Variants in LIPT2 observed in about 807,000 individuals in gnomAD.
LIPT2 encodes octanoyl-[acyl-carrier-protein]:protein N-octanoyltransferase LIPT2, mitochondrial.
A neutral mutation model predicts 16.2 loss-of-function variants in LIPT2; 16 were observed. The ratio of observed to expected loss-of-function variants is 0.99; its 90% CI spans 0.67 to 1.50. LIPT2 has a LOEUF of 1.50. Among genes scored for constraint, LIPT2 ranks in the 40% most tolerant of loss-of-function variants. The probability of loss-of-function intolerance (pLI) is 0.00; values close to 1 mark genes in which losing one functional copy is unlikely to be tolerated. For synonymous variants in LIPT2, 199 were observed against 169.3 expected, an observed-to-expected ratio of 1.18 and a Z score of -1.36; for missense variants, 424 against 347.7, an observed-to-expected ratio of 1.22 and a Z score of -1.75.
intron 1 of LIPT2, 48 bp downstream of exon 1, chr11:74,493,190 A>G: frequency 7.8e-7 from 1 of 1,289,668 alleles, no homozygotes; most frequent in East Asian, 3.1e-5. Flanking sequence ...CCCAGGCCTC[A>G]AGCTCCGACC....
intron 1 of LIPT2, 28 bp from the exon 2 acceptor site, chr11:74,492,392 G>A (rs1864361916): frequency 7.0e-6 from 10 of 1,429,708 alleles, no homozygotes; most frequent in Middle Eastern, 1.8e-4. Context: ...GGGTCTTAGA[G>A]TAGATACCCT....
At position 74,493,637 on chromosome 11, in the gene LIPT2, G is replaced by T; in HGVS notation, c.67C>A (p.Gln23Lys). 6.9e-7 allele frequency: 1 copy of T among 1,458,834 alleles called. No individual in the cohort carries two copies. The highest frequency in any genetic ancestry group is 9.0e-7 in the Non-Finnish European group (1 of 1,112,234). 90.4% of individuals were successfully genotyped at this position (1,458,834 alleles called of 1,614,324 possible). The change falls in exon 1 of 2, where the codon CAG becomes AAG. Residue 23 changes from glutamine (Q) to lysine (K), a missense_variant. By Grantham distance (53) the Gln-to-Lys change is moderately conservative (BLOSUM62 1). Transcript: ENST00000310109. ...RVPYAELLGL[Q>K]DRWLRRLQAE... ...TGCAGCCGCCGCAGCCAGCGGTCCTGCAGCCCCAGTAGCTCGGCGTACGGC... is the reference window on the plus strand; with the variant it reads ...TGCAGCCGCCGCAGCCAGCGGTCCTTCAGCCCCAGTAGCTCGGCGTACGGC...
At chr11:74,492,905 A>C (rs1397277952) in intron 1 of LIPT2, among the ~76,000 whole-genome samples, 2 of 30,956 alleles carry the variant, frequency 6.5e-5, no homozygotes, top group Non-Finnish European at 2.3e-4. Flanking sequence ...CTCTGTCTCA[A>C]AAAAAAAAAA....
chr11:74,492,761 C>T (rs1486076101), intron 1 of LIPT2, among the ~76,000 whole-genome samples: 3 of 151,842 alleles, frequency 2.0e-5, no homozygotes, highest in African/African-American at 4.8e-5. Context: ...AAAAATTAGC[C>T]GGGCTGGTGG....
intron 1 of LIPT2, 120 bp downstream of exon 1, chr11:74,493,118 C>T: frequency 1.5e-6 from 1 of 651,278 alleles, no homozygotes; most frequent in Non-Finnish European, 2.3e-6. Flanking sequence ...ATTCAAAACC[C>T]GCGCTAGATA....
rs542782857 is a variant in LIPT2, at chr11:74,493,688, C to T, written c.16G>A (p.Val6Ile). ...ACCCGACCCAGGCGCACCAACCGAA[C>T]GGCGGGTTGCCGCATCGTGCCCACC... MRQPA[V>I]RLVRLGRVPY... The change falls in exon 1 of 2, where the codon GTT becomes ATT. Residue 6 changes from valine (V) to isoleucine (I), a missense_variant. Transcript: ENST00000310109. 33 of 1,387,784 alleles carry T rather than the reference C, an allele frequency of 2.4e-5. No individual in the cohort carries two copies. Among genetic ancestry groups the T allele is most frequent in the East Asian group, 2.1e-4 (7 of 32,682 alleles). 86.0% of individuals were successfully genotyped at this position (1,387,784 alleles called of 1,614,324 possible). A position where few individuals can be genotyped will look rare whatever the true frequency, so the allele number is the denominator to read the frequency against.
rs2135046127 is a variant in LIPT2, at chr11:74,493,626, C to G, written c.78G>C (p.Trp26Cys). The change falls in exon 1 of 2, where the codon TGG becomes TGC. Residue 26 changes from tryptophan to cysteine, a missense_variant. Transcript: ENST00000310109. The stretch of plus-strand genomic sequence containing the variant: ...CTGGCTCGGCCTGCAGCCGCCGCAG[C>G]CAGCGGTCCTGCAGCCCCAGTAGCT... ...YAELLGLQDRWLRRLQAEPGI... is the reference protein window; with the variant it reads ...YAELLGLQDRCLRRLQAEPGI... 1.4e-6 allele frequency: 2 copies of G among 1,457,660 alleles called. No homozygotes were observed. Among genetic ancestry groups the G allele is most frequent in the African/African-American group, 1.5e-5 (1 of 67,946 alleles). 90.3% of individuals were successfully genotyped at this position (1,457,660 alleles called of 1,614,324 possible).
intron 1 of LIPT2, 98 bp downstream of exon 1, chr11:74,493,140 G>T (rs2135043822): frequency 1.1e-6 from 1 of 873,768 alleles, no homozygotes. Flanking sequence ...GCCTCCTCCC[G>T]GCCCTCACCT....
rs527873703 is a variant in LIPT2, at chr11:74,492,708, A to G, written c.467-344T>C. On this transcript the variant is annotated intron_variant, in intron 1 of 1. Transcript: ENST00000310109. Reference sequence around the variant, plus strand: ...ATCACGAGGTCAGGAGATCGTGACCATCCTGGCTAACACGGTGAAACCCCA... The same window carrying G: ...ATCACGAGGTCAGGAGATCGTGACCGTCCTGGCTAACACGGTGAAACCCCA... Among the ~76,000 whole-genome samples, 96 of 152,114 alleles carry G rather than the reference A, an allele frequency of 6.3e-4. 1 individual carries two copies. The highest frequency in any genetic ancestry group is 2.3e-3 in the African/African-American group (94 of 41,522).
At position 74,493,640 on chromosome 11, in the gene LIPT2, G is replaced by A; in HGVS notation, c.64C>T (p.Leu22=). Residue 22 remains leucine, a synonymous_variant, in exon 1 of 2, where the codon CTG becomes TTG. Transcript: ENST00000310109. ...AGCCGCCGCAGCCAGCGGTCCTGCA[G>A]CCCCAGTAGCTCGGCGTACGGCACC... The part of the protein sequence containing the change: ...GRVPYAELLG[L]QDRWLRRLQA... The A allele has an allele frequency of 2.7e-6, 4 of 1,457,432 alleles. No individual in the cohort carries two copies. The highest frequency in any genetic ancestry group is 3.6e-6 in the Non-Finnish European group (4 of 1,111,476). The allele number at this position is 1,457,432 out of a possible 1,614,324, so 90.3% of individuals were successfully genotyped here.
chr11:74,493,580 T>C lies in LIPT2; in HGVS notation c.124A>G (p.Thr42Ala). Residue 42 changes from threonine to alanine, a missense_variant, in exon 1 of 2, where the codon ACT becomes GCT. Transcript: ENST00000310109. ...CAGAGCAGGAGCGCGCCCGCCTCAG[T>C]CCCCGACGGGGCCTCAATGCCTGGC... ...AEPGIEAPSG[T>A]EAGALLLCEP... 2 of 1,449,940 alleles carry C rather than the reference T, an allele frequency of 1.4e-6. No individual in the cohort carries two copies. The highest frequency in any genetic ancestry group is 1.4e-5 in the South Asian group (1 of 73,942). 89.8% of individuals were successfully genotyped at this position (1,449,940 alleles called of 1,614,324 possible).
chr11:74,492,117 G>A lies in LIPT2; in HGVS notation c.*18C>T, dbSNP rs1230277914. The A allele has an allele frequency of 6.5e-7, 1 of 1,535,148 alleles. No individual in the cohort carries two copies. Among genetic ancestry groups the A allele is most frequent in the Non-Finnish European group, 8.8e-7 (1 of 1,132,196 alleles). On this transcript the variant is annotated 3_prime_UTR_variant, in exon 2 of 2. Coordinates refer to ENST00000310109, the MANE Select transcript of LIPT2 (RefSeq NM_001144869.3). ...ATGCTTCCCAAGGCAGGAGCATCCT[G>A]GCTGTTATGAGTACTCTTCAGTTGG...
chr11:74,493,074 G>C (rs184145220), intron 1 of LIPT2, 164 bp downstream of exon 1: 105 of 434,642 alleles, frequency 2.4e-4, no homozygotes, highest in African/African-American at 1.9e-3. Flanking sequence ...ATCTGAAAAG[G>C]GGCTTAAAAA....
Position 74,493,330 on chromosome 11 carries a change from C to T in LIPT2, c.374G>A (p.Arg125His). ...HVASLEACAVRLCELQGLQDA... is the reference protein window; with the variant it reads ...HVASLEACAVHLCELQGLQDA... The stretch of plus-strand genomic sequence containing the variant: ...CTGCAGGCCCTGGAGCTCGCACAGG[C>T]GCACGGCGCACGCCTCCAGCGACGC... Residue 125 changes from arginine (R) to histidine (H), a missense_variant, in exon 1 of 2, where the codon CGC (arginine) becomes CAC (histidine). Transcript: ENST00000310109. 6.8e-7 allele frequency: 1 copy of T among 1,481,208 alleles called. No homozygotes were observed. The highest frequency in any genetic ancestry group is 8.9e-7 in the Non-Finnish European group (1 of 1,120,738). 91.8% of individuals were successfully genotyped at this position (1,481,208 alleles called of 1,614,324 possible). A position where few individuals can be genotyped will look rare whatever the true frequency, so the allele number is the denominator to read the frequency against.
rs572033977 is a variant in LIPT2 at position 74,491,310 on chromosome 11, G to A, written c.*825C>T. Among the ~76,000 whole-genome samples the A allele has an allele frequency of 1.1e-3, 163 of 152,268 alleles. 2 individuals are homozygous for A. In the Middle Eastern group the frequency reaches 0.014, roughly 13 times the overall value. On this transcript the variant is annotated 3_prime_UTR_variant, in exon 2 of 2. Coordinates refer to ENST00000310109, the MANE Select transcript of LIPT2 (RefSeq NM_001144869.3). Reference sequence around the variant, plus strand: ...CAGCTGACATCTTAACTGCAAGTTCGTGTGAGACCCTAACCTAGAAACACC... The same window carrying A: ...CAGCTGACATCTTAACTGCAAGTTCATGTGAGACCCTAACCTAGAAACACC...
rs1262394910 is a variant in LIPT2, at chr11:74,493,223, C to A, written c.466+15G>T. On this transcript the variant is annotated intron_variant, in intron 1 of 1. Coordinates refer to ENST00000310109, the MANE Select transcript of LIPT2 (RefSeq NM_001144869.3). ...ACCTCGGCTCTCAGGTACCGCCCTG[C>A]TCCGCGGCGCTCACCGATCGCGCAG... is the stretch of plus-strand genomic sequence containing the variant. 8.9e-6 allele frequency: 12 copies of A among 1,342,100 alleles called. No individual in the cohort carries two copies. Among genetic ancestry groups the A allele is most frequent in the South Asian group, 1.8e-5 (1 of 54,248 alleles). 83.1% of individuals were successfully genotyped at this position (1,342,100 alleles called of 1,614,324 possible).
chr11:74,490,529 T>C lies in LIPT2; in HGVS notation c.*1606A>G, dbSNP rs1591243161. Among the ~76,000 whole-genome samples the C allele has an allele frequency of 6.6e-6, 1 of 152,274 alleles. No individual in the cohort carries two copies. The highest frequency in any genetic ancestry group is 1.9e-4 in the East Asian group (1 of 5,182). ...AAGAAAACATTTATATTGCTTTATA[T>C]TGATATTTTTATATATTGGGTTAAT... On this transcript the variant is annotated 3_prime_UTR_variant, in exon 2 of 2. Transcript: ENST00000310109.
At position 74,493,475 on chromosome 11, in the gene LIPT2, C is replaced by A. The variant is rs1864401233; in HGVS notation, c.229G>T (p.Gly77Cys). ...PEETARLRAL[G>C]AEVRVTGRGG... Reference sequence around the variant, plus strand: ...CGGCCTGTGACGCGCACCTCGGCGCCCAAGGCCCGTAGCCGCGCAGTTTCC... The same window carrying A: ...CGGCCTGTGACGCGCACCTCGGCGCACAAGGCCCGTAGCCGCGCAGTTTCC... The change falls in exon 1 of 2, where the codon GGC becomes TGC. Residue 77 changes from glycine to cysteine, a missense_variant. Coordinates refer to ENST00000310109, the MANE Select transcript of LIPT2 (RefSeq NM_001144869.3). 1.4e-6 allele frequency: 2 copies of A among 1,476,748 alleles called. No individual in the cohort carries two copies. Among genetic ancestry groups the A allele is most frequent in the Non-Finnish European group, 1.8e-6 (2 of 1,120,468 alleles). The allele number at this position is 1,476,748 out of a possible 1,614,324, so 91.5% of individuals were successfully genotyped here.
intron 1 of LIPT2, 129 bp from the exon 2 acceptor site, chr11:74,492,493 G>A (rs1864363773): frequency 4.6e-6 from 3 of 651,566 alleles, no homozygotes; most frequent in African/African-American, 1.8e-5. Context: ...AGAAACAAGG[G>A]ATTGTACTCA....
Sources: gnomAD v4.1 joint callset for allele counts (sites outside exome capture counted in the v4.1 genomes callset) on GRCh38, gnomAD v4.1.1 for gene constraint, MANE v1.5 for transcripts, NCBI Gene and HGNC (gene_info 2026-07-23, HGNC 2026-07-21) for gene names.